ENOX1: variants seen among roughly 807,000 people sequenced by gnomAD.
The protein encoded by ENOX1 is candidate growth-related and time keeping constitutive hydroquinone (NADH) oxidase.
In ENOX1, 42 loss-of-function variants were observed where a neutral mutation model predicts 82.5. That is an observed-to-expected ratio of 0.51 (90% CI 0.40 to 0.66). The LOEUF (loss-of-function observed/expected upper bound fraction) is 0.66, where lower values mean the gene tolerates loss of function less well. Among genes scored for constraint, ENOX1 ranks in the 30% least tolerant of loss-of-function variants. The pLI is 0.00. For synonymous variants in ENOX1, 271 were observed against 282.2 expected (o/e 0.96, Z 0.40); for missense variants, 608 against 811.6 (o/e 0.75, Z 3.05).
At chr13:43,584,880 CAAG>C (rs1234940903) in intron 2 of ENOX1, among the ~76,000 whole-genome samples, 2 of 152,142 alleles carry the variant, frequency 1.3e-5, no homozygotes, top group Admixed American at 6.5e-5. Flanking sequence ...CATCCGCAGG[CAAG>C]AAGGAGATAC....
chr13:43,741,591 G>A (rs112431748), intron 1 of ENOX1, among the ~76,000 whole-genome samples: 197 of 152,188 alleles, frequency 1.3e-3, no homozygotes, highest in African/African-American at 4.5e-3. Context: ...ATTGTGTTAT[G>A]TACCTTTTTT....
intron 5 of ENOX1, among the ~76,000 whole-genome samples, chr13:43,378,867 T>C (rs1453816770): frequency 6.6e-6 from 1 of 152,216 alleles, no homozygotes; most frequent in Non-Finnish European, 1.5e-5. Context: ...AGGATACAGA[T>C]GACATTAAGA....
intron 1 of ENOX1, among the ~76,000 whole-genome samples, chr13:43,743,533 G>A (rs1949865485): frequency 6.6e-6 from 1 of 152,182 alleles, no homozygotes; most frequent in Admixed American, 6.5e-5. Flanking sequence ...CTCTTGAGAA[G>A]ATGGTCAAGG....
chr13:43,470,483 C>A (rs2058023527), intron 3 of ENOX1, among the ~76,000 whole-genome samples: 1 of 146,982 alleles, frequency 6.8e-6, no homozygotes, highest in African/African-American at 2.5e-5. Flanking sequence ...AAAGAAAGCC[C>A]TGATAAATTA....
At chr13:43,544,907 G>C (rs2078908344) in intron 2 of ENOX1, 1 of 152,168 alleles carries the variant, frequency 6.6e-6, no homozygotes, top group Non-Finnish European at 1.5e-5. Context: ...GAGTTGATAA[G>C]AGAGAACAGT....
At chr13:43,675,192 G>A (rs2085451313) in intron 1 of ENOX1, among the ~76,000 whole-genome samples, 1 of 152,194 alleles carries the variant, frequency 6.6e-6, no homozygotes, top group South Asian at 2.1e-4. Context: ...GATGATGGTG[G>A]TCTAGTCTAC....
chr13:43,589,746 G>A (rs1221455280), intron 2 of ENOX1, among the ~76,000 whole-genome samples: 1 of 152,042 alleles, frequency 6.6e-6, no homozygotes, highest in African/African-American at 2.4e-5. Flanking sequence ...CAGGCCTCAA[G>A]CAATCATCCC....
At chr13:43,653,550 T>C (rs948184243) in intron 2 of ENOX1, among the ~76,000 whole-genome samples, 1 of 152,234 alleles carries the variant, frequency 6.6e-6, no homozygotes, top group Non-Finnish European at 1.5e-5. Flanking sequence ...TGAATTTGCA[T>C]GCATATTACA....
At chr13:43,226,404 C>T (rs904947991) in intron 15 of ENOX1, among the ~76,000 whole-genome samples, 14 of 152,134 alleles carry the variant, frequency 9.2e-5, no homozygotes, top group Admixed American at 2.0e-4. Flanking sequence ...TCACCTCAGA[C>T]GTTTATCATT....
chr13:43,705,826 T>C lies in ENOX1; in HGVS notation c.-284-38282A>G, dbSNP rs566117858. On this transcript the variant is annotated intron_variant, in intron 1 of 16. Transcript: ENST00000690772. ...TCAGTGAACTTCAACTTAAAATATATTTTGAATAGTAAACTCAACAAAGCA... is the reference window on the plus strand; with the variant it reads ...TCAGTGAACTTCAACTTAAAATATACTTTGAATAGTAAACTCAACAAAGCA... 2.0e-5 allele frequency among the ~76,000 whole-genome samples: 3 copies of C among 152,224 alleles called. No homozygotes were observed. The South Asian group carries it at 6.2e-4, about 32-fold the overall frequency.
chr13:43,721,277 T>C (rs568610472), intron 1 of ENOX1, among the ~76,000 whole-genome samples: 1 of 152,138 alleles, frequency 6.6e-6, no homozygotes, highest in Non-Finnish European at 1.5e-5. Context: ...ATAATTTAAA[T>C]TTTTAATTAT....
chr13:43,761,815 G>A (rs553120288), intron 1 of ENOX1, among the ~76,000 whole-genome samples: 1 of 152,208 alleles, frequency 6.6e-6, no homozygotes, highest in South Asian at 2.1e-4. Flanking sequence ...AAAGGAATTG[G>A]AAAGATCATT....
At chr13:43,666,949 A>G (rs944004934) in intron 2 of ENOX1, among the ~76,000 whole-genome samples, 2 of 152,200 alleles carry the variant, frequency 1.3e-5, no homozygotes, top group African/African-American at 4.8e-5. Flanking sequence ...TAATCCTCTA[A>G]GAAGGTGATT....
rs558601690 is a variant in ENOX1, at chr13:43,326,077, A to C, written c.1143+342T>G. Among the ~76,000 whole-genome samples, 266 of 152,142 alleles carry C rather than the reference A, an allele frequency of 1.7e-3. 11 individuals are homozygous for C. The South Asian group carries it at 0.048, about 27-fold the overall frequency. ...ATCACGTAGAACACTAAAAAAAAAA[A>C]CCCTCTGTATTTAAAAGCCAGTTTT... On this transcript the variant is annotated intron_variant, in intron 10 of 16. Coordinates refer to ENST00000690772, the MANE Select transcript of ENOX1 (RefSeq NM_001347969.2).
chr13:43,416,702 G>T (rs540824388), intron 3 of ENOX1, among the ~76,000 whole-genome samples: 1 of 147,498 alleles, frequency 6.8e-6, no homozygotes, highest in East Asian at 2.1e-4. Flanking sequence ...TGGCGGCCAG[G>T]CAGAGGCGCT....
At chr13:43,617,657 C>A (rs2082541283) in intron 2 of ENOX1, among the ~76,000 whole-genome samples, 1 of 152,212 alleles carries the variant, frequency 6.6e-6, no homozygotes, top group Non-Finnish European at 1.5e-5. Context: ...CACAATTTCG[C>A]AATTGTGAAT....
In ENOX1 at chr13:43,213,786, G is replaced by A. The variant is rs1400398394; in HGVS notation, c.*204C>T. Reference sequence around the variant, plus strand: ...TTTCATAGGAAACAGATCTGTCACAGTATGAAGCTTTGTTTATTTTAAGAA... The same window carrying A: ...TTTCATAGGAAACAGATCTGTCACAATATGAAGCTTTGTTTATTTTAAGAA... On this transcript the variant is annotated 3_prime_UTR_variant, in exon 17 of 17. Transcript: ENST00000690772. 7.3e-6 allele frequency: 3 copies of A among 410,536 alleles called. No homozygotes were observed. Among genetic ancestry groups the A allele is most frequent in the Non-Finnish European group, 1.3e-5 (3 of 233,606 alleles). The allele number at this position is 410,536 out of a possible 1,614,324, so 25.4% of individuals were successfully genotyped here. A position where few individuals can be genotyped will look rare whatever the true frequency, so the allele number is the denominator to read the frequency against.
intron 12 of ENOX1, among the ~76,000 whole-genome samples, chr13:43,276,403 C>A (rs1458704952): frequency 6.6e-6 from 1 of 152,152 alleles, no homozygotes; most frequent in African/African-American, 2.4e-5. Context: ...AGATCCCTGT[C>A]CTACTGTAGA....
chr13:43,352,354 T>A (rs1282511111), intron 8 of ENOX1, among the ~76,000 whole-genome samples: 1 of 152,206 alleles, frequency 6.6e-6, no homozygotes, highest in African/African-American at 2.4e-5. Flanking sequence ...GTAAAAACTT[T>A]TAAATGCTCT....
Sources: allele counts gnomAD v4.1 joint callset (sites outside exome capture counted in the v4.1 genomes callset), GRCh38; gene constraint gnomAD v4.1.1; transcripts MANE v1.5; gene names NCBI Gene and HGNC (gene_info 2026-07-23, HGNC 2026-07-21).